The following SYN3 variants were observed in gnomAD, a reference collection of about 807,000 sequenced individuals.
The protein encoded by SYN3 is synapsin-3.
In SYN3, 35 loss-of-function variants were observed where a neutral mutation model predicts 65.8. The ratio of observed to expected loss-of-function variants is 0.53; its 90% CI spans 0.41 to 0.70. The LOEUF (loss-of-function observed/expected upper bound fraction) is 0.70. Among genes scored for constraint, SYN3 ranks in the 30% least tolerant of loss-of-function variants. The pLI, the probability that SYN3 is intolerant of heterozygous loss-of-function variation, is 0.00. For synonymous variants in SYN3, 270 were observed against 292.9 expected (o/e 0.92, Z 0.80); for missense variants, 680 against 749.0 (o/e 0.91, Z 1.08).
At chr22:32,575,988 G>C (rs1228029301) in intron 7 of SYN3, among the ~76,000 whole-genome samples, 5 of 152,148 alleles carry the variant, frequency 3.3e-5, no homozygotes, top group Non-Finnish European at 4.4e-5. Flanking sequence ...AACTTTGTAG[G>C]AAGAAATTTA....
chr22:33,028,664 G>GTGGTGGTGGTGGTGGTGGTGGTGGTGA (rs1319293832), intron 1 of SYN3, among the ~76,000 whole-genome samples: 9 of 120,092 alleles, frequency 7.5e-5, no homozygotes, highest in Middle Eastern at 4.7e-3. Context: ...GGTGGTGGTG[G>GTGGTGGTGGTGGTGGTGGTGGTGGTGA]TGGTGGTGGT....
intron 6 of SYN3, among the ~76,000 whole-genome samples, chr22:32,617,724 A>C (rs1393855415): frequency 6.6e-6 from 1 of 152,112 alleles, no homozygotes; most frequent in Non-Finnish European, 1.5e-5. Context: ...TTAGATTCTC[A>C]TTTAAGAAAG....
chr22:32,705,180 G>T (rs2060864280), intron 6 of SYN3, among the ~76,000 whole-genome samples: 1 of 152,154 alleles, frequency 6.6e-6, no homozygotes, highest in Non-Finnish European at 1.5e-5. Flanking sequence ...GATTTTTATA[G>T]TTTTGGGTTT....
intron 4 of SYN3, among the ~76,000 whole-genome samples, chr22:32,888,728 T>A (rs1165354366): frequency 6.6e-6 from 1 of 152,166 alleles, no homozygotes; most frequent in African/African-American, 2.4e-5. Flanking sequence ...AAATCTGAAA[T>A]GCTCCAAAAT....
chr22:32,604,956 A>G (rs1408899385), intron 6 of SYN3, among the ~76,000 whole-genome samples: 3 of 146,276 alleles, frequency 2.1e-5, no homozygotes, highest in South Asian at 4.3e-4. Flanking sequence ...CAGTGAGCCG[A>G]GATGGCGCCA....
At chr22:32,520,305 C>T (rs130446) in intron 12 of SYN3, among the ~76,000 whole-genome samples, 69,518 of 149,896 alleles carry the variant, frequency 0.46, 18,811 homozygotes, top group African/African-American at 0.76. Flanking sequence ...TTTCTTTCTG[C>T]CTTTTTTTTT....
intron 8 of SYN3, among the ~76,000 whole-genome samples, chr22:32,540,287 T>A (rs963162357): frequency 6.6e-6 from 1 of 152,302 alleles, no homozygotes; most frequent in African/African-American, 2.4e-5. Context: ...AGAACTGTAT[T>A]TAGAGACAGG....
At chr22:32,833,065 A>G (rs922446645) in intron 6 of SYN3, among the ~76,000 whole-genome samples, 19 of 152,084 alleles carry the variant, frequency 1.2e-4, no homozygotes, top group African/African-American at 4.6e-4. Flanking sequence ...TTTTAACACT[A>G]GAAGTACTTA....
intron 4 of SYN3, among the ~76,000 whole-genome samples, chr22:32,889,330 G>C (rs2049377133): frequency 6.6e-6 from 1 of 152,012 alleles, no homozygotes; most frequent in Non-Finnish European, 1.5e-5. Context: ...TTGCTTCAGG[G>C]GGGCTTTGGA....
chr22:32,527,869 C>A, intron 12 of SYN3, 49 bp downstream of exon 12: 1 of 1,496,586 alleles, frequency 6.7e-7, no homozygotes, highest in Non-Finnish European at 9.1e-7. Context: ...CGGTGCATTT[C>A]AGCACCCTCA....
chr22:32,812,063 C>G (rs1278072483), intron 6 of SYN3, among the ~76,000 whole-genome samples: 1 of 152,196 alleles, frequency 6.6e-6, no homozygotes, highest in African/African-American at 2.4e-5. Flanking sequence ...TCATCTGACT[C>G]TGGAGTCCCC....
At chr22:32,834,974 G>A (rs1042261219) in intron 6 of SYN3, among the ~76,000 whole-genome samples, 2 of 152,212 alleles carry the variant, frequency 1.3e-5, no homozygotes, top group Non-Finnish European at 1.5e-5. Flanking sequence ...CAGGGTCTTT[G>A]CAGTCCTCAG....
At chr22:33,052,321 C>T (rs968599487) in intron 1 of SYN3, among the ~76,000 whole-genome samples, 1 of 152,136 alleles carries the variant, frequency 6.6e-6, no homozygotes, top group Admixed American at 6.6e-5. Flanking sequence ...TGCCCGTCCC[C>T]GGTGGCAAGG....
At chr22:32,946,678 C>G (rs1434429186) in intron 3 of SYN3, among the ~76,000 whole-genome samples, 2 of 152,068 alleles carry the variant, frequency 1.3e-5, no homozygotes, top group African/African-American at 4.8e-5. Context: ...TACCCTAGAA[C>G]TTAAAGTATA....
chr22:32,978,428 T>C (rs1235627346), intron 3 of SYN3, among the ~76,000 whole-genome samples: 1 of 152,094 alleles, frequency 6.6e-6, no homozygotes, highest in African/African-American at 2.4e-5. Flanking sequence ...GGGAAGATGA[T>C]GTGTCCTATT....
intron 6 of SYN3, among the ~76,000 whole-genome samples, chr22:32,715,608 G>A (rs555074768): frequency 3.3e-5 from 5 of 151,982 alleles, no homozygotes; most frequent in East Asian, 1.9e-4. Flanking sequence ...GTGAAACCCC[G>A]TCTCTACTAA....
chr22:32,758,681 C>CATATATATACATATATATATAT lies in SYN3; in HGVS notation c.711+106233_711+106234insATATATATATATGTATATATAT, dbSNP rs2045362846. On this transcript the variant is annotated intron_variant, in intron 6 of 13. Coordinates refer to ENST00000358763, the MANE Select transcript of SYN3 (RefSeq NM_003490.4). ...TGTGTAAGTTAATACTTACTAAACTCATATATATATATATATATATGTCTT... is the reference window on the plus strand; with the variant it reads ...TGTGTAAGTTAATACTTACTAAACTCATATATATACATATATATATATATATATATATATATATATATGTCTT... Among the ~76,000 whole-genome samples the CATATATATACATATATATATAT allele has an allele frequency of 1.2e-4, 4 of 33,088 alleles. 2 individuals carry two copies. The highest frequency in any genetic ancestry group is 2.9e-4 in the Non-Finnish European group (4 of 13,952). 21.7% of individuals were successfully genotyped at this position (33,088 alleles called of 152,430 possible).
chr22:32,918,425 T>C (rs1262385460), intron 4 of SYN3, among the ~76,000 whole-genome samples: 1 of 152,220 alleles, frequency 6.6e-6, no homozygotes, highest in African/African-American at 2.4e-5. Flanking sequence ...GATATGGGAA[T>C]ATAGTGGGAA....
At chr22:32,652,311 C>A (rs1024062547) in intron 6 of SYN3, among the ~76,000 whole-genome samples, 190 of 151,388 alleles carry the variant, frequency 1.3e-3, no homozygotes, top group African/African-American at 4.3e-3. Context: ...CTTTGTTCCA[C>A]GAGCCATGAC....
Sources: allele counts gnomAD v4.1 joint callset (sites outside exome capture counted in the v4.1 genomes callset), GRCh38; gene constraint gnomAD v4.1.1; transcripts MANE v1.5; gene names NCBI Gene and HGNC (gene_info 2026-07-23, HGNC 2026-07-21).